Variants in MECOM observed in about 807,000 individuals in gnomAD.
MECOM encodes histone-lysine N-methyltransferase MECOM.
Under a neutral mutation model 116.3 loss-of-function variants are expected in MECOM, and 13 were observed. The ratio of observed to expected loss-of-function variants is 0.11; its 90% CI spans 0.07 to 0.18. The LOEUF (loss-of-function observed/expected upper bound fraction) is 0.18, where lower values mean the gene tolerates loss of function less well. Ranked by LOEUF, MECOM falls within the 10% of genes least tolerant of loss-of-function variation. MECOM has a pLI of 1.00. For synonymous variants in MECOM, 528 were observed against 535.2 expected, an observed-to-expected ratio of 0.99 and a Z score of 0.19; for missense variants, 1,299 against 1,509.0, an observed-to-expected ratio of 0.86 and a Z score of 2.31.
chr3:169,097,339 C>T (rs767763544), intron 12 of MECOM, among the ~76,000 whole-genome samples: 4 of 151,934 alleles, frequency 2.6e-5, no homozygotes, highest in Non-Finnish European at 4.4e-5. Context: ...AAGTCTTGGC[C>T]AGAAAAAGAA....
chr3:169,215,118 C>T (rs16853318), intron 2 of MECOM, among the ~76,000 whole-genome samples: 13,341 of 150,578 alleles, frequency 0.089, 757 homozygotes, highest in East Asian at 0.29. Flanking sequence ...CACTCTATTC[C>T]TTGCACAATA....
chr3:169,093,753 A>G (rs1560121259), intron 13 of MECOM, among the ~76,000 whole-genome samples: 1 of 152,188 alleles, frequency 6.6e-6, no homozygotes, highest in Non-Finnish European at 1.5e-5. Context: ...TAAGGCTTAC[A>G]TAAACTTAAA....
chr3:169,522,550 A>G (rs765225181), intron 1 of MECOM, among the ~76,000 whole-genome samples: 6 of 152,194 alleles, frequency 3.9e-5, no homozygotes, highest in Non-Finnish European at 8.8e-5. Flanking sequence ...GTGACCTCAG[A>G]AAAGTAAGCC....
Position 169,620,631 on chromosome 3 carries a change from G to T in MECOM, c.37+42705C>A, listed in dbSNP as rs117212218. On this transcript the variant is annotated intron_variant, in intron 1 of 16. Transcript: ENST00000651503. ...AAGGTTGTCTCCATGGGCTCAGGAA[G>T]TAACCACAGCCAAAATACCCTAGTG... Among the ~76,000 whole-genome samples, 43 of 152,328 alleles carry T rather than the reference G, an allele frequency of 2.8e-4. No homozygotes were observed. The East Asian group carries it at 8.1e-3, about 29-fold the overall frequency.
intron 2 of MECOM, among the ~76,000 whole-genome samples, chr3:169,367,308 T>C (rs1328565719): frequency 4.0e-5 from 6 of 151,848 alleles, no homozygotes; most frequent in Admixed American, 3.9e-4. Context: ...GTCATGGAAT[T>C]CCCCTGTGAT....
intron 1 of MECOM, among the ~76,000 whole-genome samples, chr3:169,473,709 T>C (rs1303094916): frequency 6.6e-6 from 1 of 151,942 alleles, no homozygotes; most frequent in East Asian, 1.9e-4. Flanking sequence ...GCAGAGGTTG[T>C]AGTGAGCCGA....
chr3:169,105,365 AC>A (rs536568371), intron 10 of MECOM, among the ~76,000 whole-genome samples: 32 of 152,226 alleles, frequency 2.1e-4, no homozygotes, highest in Admixed American at 1.8e-3. Flanking sequence ...ACAGATCAAA[AC>A]CCCAACTCTC....
At chr3:169,399,146 G>T (rs1039090861) in intron 1 of MECOM, among the ~76,000 whole-genome samples, 1 of 152,144 alleles carries the variant, frequency 6.6e-6, no homozygotes, top group African/African-American at 2.4e-5. Flanking sequence ...TAGGGCAAGG[G>T]CTGTGTTTCA....
chr3:169,403,780 T>C (rs1736247816), intron 1 of MECOM, among the ~76,000 whole-genome samples: 1 of 152,198 alleles, frequency 6.6e-6, no homozygotes, highest in Admixed American at 6.5e-5. Flanking sequence ...AAAACACAGA[T>C]CAAACAATAA....
chr3:169,274,803 T>C (rs1759391210), intron 2 of MECOM, among the ~76,000 whole-genome samples: 1 of 152,210 alleles, frequency 6.6e-6, no homozygotes, highest in African/African-American at 2.4e-5. Flanking sequence ...CATTGAACAG[T>C]GCAGATTACA....
intron 1 of MECOM, among the ~76,000 whole-genome samples, chr3:169,387,577 A>T (rs1396224629): frequency 6.6e-6 from 1 of 152,226 alleles, no homozygotes; most frequent in African/African-American, 2.4e-5. Flanking sequence ...ATTGATAGAA[A>T]ATATTCAGCA....
chr3:169,103,556 A>C (rs1432653987), intron 10 of MECOM, among the ~76,000 whole-genome samples: 1 of 152,214 alleles, frequency 6.6e-6, no homozygotes, highest in Non-Finnish European at 1.5e-5. Flanking sequence ...CTAGACCAGA[A>C]GACACATAAG....
At chr3:169,451,798 AT>A (rs1449946845) in intron 1 of MECOM, among the ~76,000 whole-genome samples, 2 of 152,152 alleles carry the variant, frequency 1.3e-5, no homozygotes, top group Non-Finnish European at 2.9e-5. Flanking sequence ...ATGAATAAGA[AT>A]TACAGAAGAC....
chr3:169,164,336 C>T lies in MECOM; in HGVS notation c.376-20504G>A, dbSNP rs548004779. Among the ~76,000 whole-genome samples, 8 of 152,302 alleles carry T rather than the reference C, an allele frequency of 5.3e-5. No homozygotes were observed. In the South Asian group the frequency reaches 1.7e-3, roughly 32 times the overall value. ...TCCACATAAGATGTGACTTGCTCCT[C>T]CTTGCCTTCCACCCTGTTGTGAGGC... On this transcript the variant is annotated intron_variant, in intron 2 of 16. Coordinates refer to ENST00000651503, the MANE Select transcript of MECOM (RefSeq NM_004991.4).
Position 169,159,320 on chromosome 3 carries a change from G to A in MECOM, c.376-15488C>T, listed in dbSNP as rs1246692864. ...GCCTGTAATCATTCCAGGACTCTGG[G>A]ACGCCAAGGTGGGCAGATCACGAGG... is the stretch of plus-strand genomic sequence containing the variant. On this transcript the variant is annotated intron_variant, in intron 2 of 16. Transcript: ENST00000651503. Among the ~76,000 whole-genome samples the A allele has an allele frequency of 2.0e-5, 3 of 152,114 alleles. No homozygotes were observed. In the East Asian group the frequency reaches 5.8e-4, roughly 29 times the overall value.
chr3:169,526,075 T>A (rs1181201604), intron 1 of MECOM, among the ~76,000 whole-genome samples: 1 of 150,348 alleles, frequency 6.7e-6, no homozygotes, highest in Non-Finnish European at 1.5e-5. Context: ...AGCAGTAAAG[T>A]TTTCTCACAC....
At chr3:169,368,408 T>C (rs1347624384) in intron 2 of MECOM, among the ~76,000 whole-genome samples, 2 of 152,078 alleles carry the variant, frequency 1.3e-5, no homozygotes, top group African/African-American at 4.8e-5. Flanking sequence ...AACTTTGAGA[T>C]GTTAAGATAC....
intron 2 of MECOM, among the ~76,000 whole-genome samples, chr3:169,301,498 T>G (rs954298925): frequency 1.3e-5 from 2 of 152,254 alleles, no homozygotes; most frequent in Non-Finnish European, 2.9e-5. Flanking sequence ...TCCTATGATT[T>G]TACTTTTTCA....
At chr3:169,372,573 C>T (rs1282423978) in intron 2 of MECOM, among the ~76,000 whole-genome samples, 5 of 151,902 alleles carry the variant, frequency 3.3e-5, no homozygotes, top group African/African-American at 1.2e-4. Context: ...AACTGAACTT[C>T]TAGGAAACAA....
Sources: allele counts gnomAD v4.1 joint callset (sites outside exome capture counted in the v4.1 genomes callset), GRCh38; gene constraint gnomAD v4.1.1; transcripts MANE v1.5; gene names NCBI Gene and HGNC (gene_info 2026-07-23, HGNC 2026-07-21).